Variants in SLX4IP observed in about 807,000 individuals in gnomAD.
SLX4IP encodes SLX4 interacting protein, also known as protein SLX4IP.
SLX4IP carries 34 observed loss-of-function variants against 32.9 expected under a neutral mutation model. The ratio of observed to expected loss-of-function variants is 1.03; its 90% CI spans 0.79 to 1.38. The LOEUF is 1.38. Among genes scored for constraint, SLX4IP ranks in the 40% most tolerant of loss-of-function variants. The pLI is 0.00. For missense variants in SLX4IP, 444 were observed against 479.0 expected (o/e 0.93, Z 0.68); for synonymous variants, 172 against 171.7 (o/e 1.00, Z -0.01).
intron 4 of SLX4IP, among the ~76,000 whole-genome samples, chr20:10,592,727 T>C (rs952482468): frequency 1.5e-5 from 2 of 136,406 alleles, no homozygotes; most frequent in African/African-American, 5.5e-5. Flanking sequence ...CTCTGCCTCC[T>C]GGGTTCAAAC....
chr20:10,451,973 CATAAA>C (rs554550073), intron 1 of SLX4IP, among the ~76,000 whole-genome samples: 28 of 152,004 alleles, frequency 1.8e-4, no homozygotes, highest in African/African-American at 1.4e-4. Context: ...GTCTCAAAAA[CATAAA>C]ATAAAATAAA....
intron 6 of SLX4IP, among the ~76,000 whole-genome samples, chr20:10,607,051 C>T (rs1197023167): frequency 6.6e-6 from 1 of 152,110 alleles, no homozygotes; most frequent in Non-Finnish European, 1.5e-5. Context: ...TAGATAAACA[C>T]TTGTATTTTC....
intron 5 of SLX4IP, among the ~76,000 whole-genome samples, chr20:10,600,575 G>GTAC (rs1054244856): frequency 3.3e-5 from 5 of 152,176 alleles, no homozygotes; most frequent in African/African-American, 9.7e-5. Flanking sequence ...AGCTAGTCTA[G>GTAC]TAGTGTAAGG....
chr20:10,555,943 G>A (rs978762669), intron 2 of SLX4IP, among the ~76,000 whole-genome samples: 1 of 152,116 alleles, frequency 6.6e-6, no homozygotes, highest in Admixed American at 6.5e-5. Context: ...AACTGCTGCC[G>A]GGATGCTTGG....
In SLX4IP at chr20:10,614,509, G is replaced by A. The variant is rs191465974; in HGVS notation, c.406-6805G>A. ...CTGGTGCACCCCAAGGACTCTTGGA[G>A]TGACCAGTAACCTGATGACATGGCC... On this transcript the variant is annotated intron_variant, in intron 6 of 7. Transcript: ENST00000334534. Among the ~76,000 whole-genome samples, 267 of 152,310 alleles carry A rather than the reference G, an allele frequency of 1.8e-3. 1 individual carries two copies. Among genetic ancestry groups the A allele is most frequent in the African/African-American group, 6.1e-3 (255 of 41,564 alleles).
chr20:10,605,287 C>T (rs572020208), intron 6 of SLX4IP, among the ~76,000 whole-genome samples: 1 of 152,254 alleles, frequency 6.6e-6, no homozygotes, highest in African/African-American at 2.4e-5. Context: ...CACATTTTAA[C>T]ATAATTTGCT....
chr20:10,551,933 C>G (rs188223396), intron 2 of SLX4IP, among the ~76,000 whole-genome samples: 2 of 152,264 alleles, frequency 1.3e-5, no homozygotes, highest in African/African-American at 4.8e-5. Flanking sequence ...GAGGGTTCAT[C>G]CAGGACACCA....
intron 4 of SLX4IP, among the ~76,000 whole-genome samples, chr20:10,583,809 A>G (rs920865378): frequency 1.3e-5 from 2 of 152,228 alleles, no homozygotes; most frequent in Non-Finnish European, 2.9e-5. Flanking sequence ...TTAGGTATTT[A>G]TATTACTAGT....
chr20:10,462,501 G>A (rs1221625430), intron 2 of SLX4IP, among the ~76,000 whole-genome samples: 3 of 152,192 alleles, frequency 2.0e-5, no homozygotes, highest in African/African-American at 4.8e-5. Context: ...GGAGACAGTA[G>A]AACAATACCT....
intron 4 of SLX4IP, among the ~76,000 whole-genome samples, chr20:10,584,391 A>G (rs1013470056): frequency 3.3e-5 from 5 of 152,206 alleles, no homozygotes; most frequent in African/African-American, 4.8e-5. Context: ...AAGAACTAGG[A>G]TAACCTCTTA....
chr20:10,578,481 A>G (rs80157608), intron 4 of SLX4IP, among the ~76,000 whole-genome samples: 1 of 152,224 alleles, frequency 6.6e-6, no homozygotes, highest in Admixed American at 6.5e-5. Context: ...CCATTCATCA[A>G]TTGATGGACA....
intron 1 of SLX4IP, among the ~76,000 whole-genome samples, chr20:10,446,069 A>C (rs148892904): frequency 1.3e-5 from 2 of 150,894 alleles, no homozygotes; most frequent in African/African-American, 4.9e-5. Context: ...TTAACCATTC[A>C]CACGTTGAAG....
chr20:10,456,456 C>T (rs1044805216), intron 1 of SLX4IP, among the ~76,000 whole-genome samples: 1 of 152,174 alleles, frequency 6.6e-6, no homozygotes, highest in African/African-American at 2.4e-5. Flanking sequence ...ATTCTCCTGC[C>T]TCAGCCTCCT....
At chr20:10,520,800 C>G (rs2065895897) in intron 2 of SLX4IP, among the ~76,000 whole-genome samples, 1 of 152,156 alleles carries the variant, frequency 6.6e-6, no homozygotes, top group South Asian at 2.1e-4. Context: ...AAAATTCTTT[C>G]TCCCTTTAAT....
Position 10,623,503 on chromosome 20 carries a change from T to G in SLX4IP, c.*124T>G. The G allele has an allele frequency of 7.6e-7, 1 of 1,315,894 alleles. No individual in the cohort carries two copies. Among genetic ancestry groups the G allele is most frequent in the East Asian group, 2.5e-5 (1 of 40,260 alleles). The allele number at this position is 1,315,894 out of a possible 1,614,324, so 81.5% of individuals were successfully genotyped here. On this transcript the variant is annotated 3_prime_UTR_variant, in exon 8 of 8. Coordinates refer to ENST00000334534, the MANE Select transcript of SLX4IP (RefSeq NM_001009608.3). ...TAGAATGACTAATTTAAATAGGAAG[T>G]GTGTTATCTGTGTTATGGCTATGGT...
intron 1 of SLX4IP, among the ~76,000 whole-genome samples, chr20:10,436,383 G>A (rs543245567): frequency 3.1e-4 from 47 of 151,582 alleles, no homozygotes; most frequent in African/African-American, 1.1e-3. Context: ...TTTAGATGGA[G>A]TCTCGCTCTG....
intron 2 of SLX4IP, among the ~76,000 whole-genome samples, chr20:10,502,462 G>A (rs1326860687): frequency 1.3e-5 from 2 of 152,170 alleles, no homozygotes; most frequent in Non-Finnish European, 2.9e-5. Context: ...TCTTCTCTGT[G>A]CATGTGCATG....
chr20:10,508,989 C>T (rs1043286768), intron 2 of SLX4IP, among the ~76,000 whole-genome samples: 2 of 152,142 alleles, frequency 1.3e-5, no homozygotes, highest in Non-Finnish European at 2.9e-5. Context: ...TATGGCCTTC[C>T]CAAGAGAATC....
At chr20:10,507,605 A>C (rs1485772796) in intron 2 of SLX4IP, among the ~76,000 whole-genome samples, 1 of 152,168 alleles carries the variant, frequency 6.6e-6, no homozygotes, top group Non-Finnish European at 1.5e-5. Context: ...TTACCACTGC[A>C]TCCTAGCAGT....
Sources: gnomAD v4.1 joint callset for allele counts (sites outside exome capture counted in the v4.1 genomes callset) on GRCh38, gnomAD v4.1.1 for gene constraint, MANE v1.5 for transcripts, NCBI Gene and HGNC (gene_info 2026-07-23, HGNC 2026-07-21) for gene names.